ITGA1: variants seen among roughly 807,000 people sequenced by gnomAD.
ITGA1 encodes the protein integrin subunit alpha 1, also known as integrin alpha-1.
In ITGA1, 85 loss-of-function variants were observed where a neutral mutation model predicts 145.9. The observed-to-expected ratio is 0.58, with a 90% CI of 0.49 to 0.70. The LOEUF is 0.70. Among genes scored for constraint, ITGA1 ranks in the 30% least tolerant of loss-of-function variants. The pLI is 0.00. For synonymous variants in ITGA1, 520 were observed against 495.3 expected, an observed-to-expected ratio of 1.05 and a Z score of -0.66; for missense variants, 1,351 against 1,418.7, an observed-to-expected ratio of 0.95 and a Z score of 0.77.
chr5:52,859,460 CA>C (rs1749564304), intron 2 of ITGA1, among the ~76,000 whole-genome samples: 1 of 152,070 alleles, frequency 6.6e-6, no homozygotes, highest in Admixed American at 6.6e-5. Context: ...GTTCTTTATA[CA>C]AATCAGAAAT....
At chr5:52,820,530 A>AG (rs1201476761) in intron 1 of ITGA1, among the ~76,000 whole-genome samples, 1 of 151,292 alleles carries the variant, frequency 6.6e-6, no homozygotes, top group African/African-American at 2.4e-5. Context: ...AATAAAAAAA[A>AG]AAAAGAAAAA....
chr5:52,932,838 T>C (rs1750912222), intron 22 of ITGA1: 1 of 152,162 alleles, frequency 6.6e-6, no homozygotes, highest in Non-Finnish European at 1.5e-5. Context: ...TTCTGTCTTA[T>C]GTGATCCTCA....
At chr5:52,932,431 T>C (rs1439532057) in intron 22 of ITGA1, 2 of 235,794 alleles carry the variant, frequency 8.5e-6, no homozygotes, top group Admixed American at 5.7e-5. Context: ...CGAATGCAAG[T>C]TGAAGACCCA....
chr5:52,872,367 C>T (rs1319562210), intron 6 of ITGA1, among the ~76,000 whole-genome samples: 1 of 152,036 alleles, frequency 6.6e-6, no homozygotes, highest in African/African-American at 2.4e-5. Context: ...AGTCTCCATT[C>T]TCCCACCCCT....
intron 1 of ITGA1, among the ~76,000 whole-genome samples, chr5:52,820,522 TAAAA>T (rs55942732): frequency 6.8e-6 from 1 of 146,502 alleles, no homozygotes; most frequent in Non-Finnish European, 1.5e-5. Context: ...TAAAGTATAA[TAAAA>T]AAAAAAAAGA....
chr5:52,902,145 G>A (rs1750325301), intron 11 of ITGA1: 1 of 152,150 alleles, frequency 6.6e-6, no homozygotes, highest in Admixed American at 6.5e-5. Context: ...TCTTATGAAG[G>A]AAGCAGAGGC....
intron 25 of ITGA1, 32 bp downstream of exon 25, chr5:52,939,723 T>G: frequency 6.5e-7 from 1 of 1,535,496 alleles, no homozygotes; most frequent in Non-Finnish European, 9.0e-7. Flanking sequence ...TTTTACCTTT[T>G]GCTTTCCAAA....
rs764930427 is a variant in ITGA1 at position 52,910,266 on chromosome 5, G to A, written c.1704G>A (p.Gly568=). 10 of 1,613,804 alleles carry A rather than the reference G, an allele frequency of 6.2e-6. No homozygotes were observed. The Admixed American group carries it at 1.0e-4, about 16-fold the overall frequency. ...CTTENKNEPC[G]ARFGTAIAAV... is the part of the protein sequence containing the mutation. The stretch of plus-strand genomic sequence containing the variant: ...CAGAAAACAAAAATGAGCCATGCGG[G>A]GCTCGTTTTGGAACTGCAATTGCTG... The change falls in exon 14 of 29, where the codon GGG becomes GGA. Residue 568 remains glycine, a synonymous_variant. Transcript: ENST00000282588.
intron 23 of ITGA1, among the ~76,000 whole-genome samples, chr5:52,934,689 A>G (rs945054437): frequency 3.3e-5 from 5 of 151,952 alleles, no homozygotes; most frequent in African/African-American, 1.2e-4. Context: ...ACTCAAGGAA[A>G]AAAGAGAGCA....
intron 1 of ITGA1, among the ~76,000 whole-genome samples, chr5:52,793,991 A>G (rs1423274119): frequency 6.6e-6 from 1 of 152,074 alleles, no homozygotes; most frequent in Non-Finnish European, 1.5e-5. Flanking sequence ...CCTATGATTT[A>G]AAAGGAAGAT....
chr5:52,922,995 C>A, intron 18 of ITGA1, 108 bp downstream of exon 18: 3 of 638,958 alleles, frequency 4.7e-6, no homozygotes, highest in South Asian at 2.0e-5. Context: ...GAACGAACAA[C>A]TAACTGGAAG....
intron 14 of ITGA1, among the ~76,000 whole-genome samples, 182 bp downstream of exon 14, chr5:52,910,601 A>AAACT (rs1561245491): frequency 6.7e-6 from 1 of 149,476 alleles, no homozygotes; most frequent in African/African-American, 2.5e-5. Flanking sequence ...ACACACAAAC[A>AAACT]AACTATAAAT....
At chr5:52,838,390 G>C (rs1469074038) in intron 1 of ITGA1, among the ~76,000 whole-genome samples, 1 of 152,066 alleles carries the variant, frequency 6.6e-6, no homozygotes, top group African/African-American at 2.4e-5. Context: ...TTTTTTAATA[G>C]GTTTTTGGTT....
At chr5:52,895,719 G>A (rs1167941770) in intron 9 of ITGA1, among the ~76,000 whole-genome samples, 1 of 152,074 alleles carries the variant, frequency 6.6e-6, no homozygotes, top group Non-Finnish European at 1.5e-5. Context: ...AAAGGTGACA[G>A]GTTGAAGAGC....
chr5:52,921,179 AAAC>A (rs773999519), intron 17 of ITGA1, among the ~76,000 whole-genome samples: 3 of 152,144 alleles, frequency 2.0e-5, no homozygotes, highest in Non-Finnish European at 4.4e-5. Flanking sequence ...AGAGTGATAA[AAAC>A]AAGAAGCAGC....
At position 52,927,626 on chromosome 5, in the gene ITGA1, T is replaced by A; in HGVS notation, c.2656T>A (p.Cys886Ser). ...DSCESNHNITCKVGYPFLRRG... is the reference protein window; with the variant it reads ...DSCESNHNITSKVGYPFLRRG... ...TTGTGAATCTAATCATAATATCACA[T>A]GTAAAGTTGGATATCCCTTCCTGAG... Residue 886 changes from cysteine to serine, a missense_variant, in exon 20 of 29, where the codon TGT (cysteine) becomes AGT (serine). Coordinates refer to ENST00000282588, the MANE Select transcript of ITGA1 (RefSeq NM_181501.2). The A allele has an allele frequency of 6.2e-7, 1 of 1,611,784 alleles. No homozygotes were observed. Among genetic ancestry groups the A allele is most frequent in the Non-Finnish European group, 8.5e-7 (1 of 1,178,256 alleles).
Position 52,914,127 on chromosome 5 carries a change from T to A in ITGA1, c.1858-1337T>A, listed in dbSNP as rs1211758216. On this transcript the variant is annotated intron_variant, in intron 14 of 28. Coordinates refer to ENST00000282588, the MANE Select transcript of ITGA1 (RefSeq NM_181501.2). Reference sequence around the variant, plus strand: ...CATAAACAACTTGTTTTCTAAATGGTGGTAAATCAAGATGCAACTTTAAAC... The same window carrying A: ...CATAAACAACTTGTTTTCTAAATGGAGGTAAATCAAGATGCAACTTTAAAC... Among the ~76,000 whole-genome samples the A allele has an allele frequency of 2.0e-5, 3 of 152,320 alleles. No individual in the cohort carries two copies. The East Asian group carries it at 5.8e-4, about 29-fold the overall frequency.
intron 9 of ITGA1, among the ~76,000 whole-genome samples, chr5:52,894,194 GT>G (rs551782103): frequency 6.6e-6 from 1 of 151,734 alleles, no homozygotes; most frequent in Non-Finnish European, 1.5e-5. Flanking sequence ...TCTGGTTTGG[GT>G]TTTTTTTGTT....
intron 1 of ITGA1, among the ~76,000 whole-genome samples, chr5:52,810,166 C>A (rs1215268464): frequency 1.3e-5 from 2 of 151,852 alleles, no homozygotes; most frequent in African/African-American, 2.4e-5. Flanking sequence ...GACATTCTGT[C>A]CCTTTCCATA....
Sources: gnomAD v4.1 joint callset for allele counts (sites outside exome capture counted in the v4.1 genomes callset) on GRCh38, gnomAD v4.1.1 for gene constraint, MANE v1.5 for transcripts, NCBI Gene and HGNC (gene_info 2026-07-23, HGNC 2026-07-21) for gene names.